TESK2: variants seen among roughly 807,000 people sequenced by gnomAD.
The protein encoded by TESK2 is dual specificity testis-specific protein kinase 2.
In TESK2, 39 loss-of-function variants were observed where a neutral mutation model predicts 57.1. That is an observed-to-expected ratio of 0.68 (90% confidence interval 0.53 to 0.89). The LOEUF (loss-of-function observed/expected upper bound fraction) is 0.89. Ranked by LOEUF, TESK2 falls within the 40% of genes least tolerant of loss-of-function variation. TESK2 has a pLI of 0.00. For synonymous variants in TESK2, 249 were observed against 267.9 expected (o/e 0.93, Z 0.69); for missense variants, 646 against 732.1 (o/e 0.88, Z 1.36).
Position 45,355,293 on chromosome 1 carries a change from G to C in TESK2, c.540+10C>G. 1 of 1,613,576 alleles carries C rather than the reference G, an allele frequency of 6.2e-7. No individual in the cohort carries two copies. The highest frequency in any genetic ancestry group is 1.7e-4 in the Middle Eastern group (1 of 6,060). The stretch of plus-strand genomic sequence containing the variant: ...TCTCTCAATGAGTTGTGAGAGTAAA[G>C]CCTTCATACCTTAGATGTGAGGTCC... On this transcript the variant is annotated intron_variant, in intron 5 of 10. Transcript: ENST00000372086.
intron 3 of TESK2, among the ~76,000 whole-genome samples, chr1:45,412,997 G>C (rs1023304233): frequency 1.3e-5 from 2 of 152,130 alleles, no homozygotes; most frequent in Non-Finnish European, 2.9e-5. Flanking sequence ...CCTGTCTTGG[G>C]GTCGTGGGGA....
At chr1:45,356,332 G>A (rs1647422146) in intron 4 of TESK2, among the ~76,000 whole-genome samples, 1 of 152,158 alleles carries the variant, frequency 6.6e-6, no homozygotes, top group African/African-American at 2.4e-5. Context: ...AAGAGGCAAT[G>A]TTAAAAGAGA....
intron 4 of TESK2, among the ~76,000 whole-genome samples, chr1:45,363,808 T>G (rs192560733): frequency 6.4e-4 from 97 of 152,288 alleles, no homozygotes; most frequent in Admixed American, 3.6e-3. Context: ...TGACTGCAGT[T>G]AGGCTGGCTA....
intron 2 of TESK2, among the ~76,000 whole-genome samples, chr1:45,445,720 A>C (rs1232567104): frequency 2.0e-5 from 3 of 151,854 alleles, no homozygotes; most frequent in African/African-American, 7.3e-5. Flanking sequence ...ACCTGAGCCC[A>C]GGAAGTCAAG....
intron 4 of TESK2, among the ~76,000 whole-genome samples, chr1:45,378,228 A>G (rs922100101): frequency 1.3e-5 from 2 of 152,212 alleles, no homozygotes; most frequent in Non-Finnish European, 2.9e-5. Context: ...ACAGTTTCTA[A>G]GGAAGGGCAC....
At chr1:45,438,140 T>G (rs960224978) in intron 2 of TESK2, among the ~76,000 whole-genome samples, 2 of 152,188 alleles carry the variant, frequency 1.3e-5, no homozygotes, top group Non-Finnish European at 2.9e-5. Context: ...TTAACAAAAG[T>G]TACTTCATAT....
Position 45,344,072 on chromosome 1 carries a change from C to T in TESK2, c.*768G>A, listed in dbSNP as rs1647101637. 4.7e-6 allele frequency: 1 copy of T among 211,580 alleles called. No homozygotes were observed. Among genetic ancestry groups the T allele is most frequent in the Non-Finnish European group, 9.7e-6 (1 of 103,254 alleles). The allele number at this position is 211,580 out of a possible 1,614,324, so 13.1% of individuals were successfully genotyped here. A position where few individuals can be genotyped will look rare whatever the true frequency, so the allele number is the denominator to read the frequency against. On this transcript the variant is annotated 3_prime_UTR_variant, in exon 11 of 11. Coordinates refer to ENST00000372086, the MANE Select transcript of TESK2 (RefSeq NM_007170.3). ...TGGCAGGAAGGGAAGCAAATCAGTC[C>T]CTGTATAAACCATTTAACCAATTGA...
intron 2 of TESK2, among the ~76,000 whole-genome samples, chr1:45,427,714 T>C (rs774947195): frequency 7.9e-5 from 12 of 152,100 alleles, no homozygotes; most frequent in African/African-American, 1.4e-4. Context: ...AATAAAACAA[T>C]TGAACTCATA....
At chr1:45,456,148 C>T (rs532750591) in intron 2 of TESK2, among the ~76,000 whole-genome samples, 2 of 151,940 alleles carry the variant, frequency 1.3e-5, no homozygotes, top group African/African-American at 2.4e-5. Context: ...AAGCCATGAT[C>T]ACACCACACT....
intron 2 of TESK2, among the ~76,000 whole-genome samples, chr1:45,455,589 C>A (rs1025928044): frequency 1.2e-4 from 19 of 152,102 alleles, no homozygotes; most frequent in Non-Finnish European, 1.5e-5. Flanking sequence ...TTTACAGTTA[C>A]AGAAGGGAGA....
chr1:45,413,175 T>G (rs1384935468), intron 3 of TESK2, among the ~76,000 whole-genome samples: 1 of 152,116 alleles, frequency 6.6e-6, no homozygotes, highest in South Asian at 2.1e-4. Flanking sequence ...ACAAAGTACT[T>G]TATTGTTCCT....
chr1:45,422,732 C>A (rs192231531), intron 2 of TESK2, among the ~76,000 whole-genome samples: 1 of 66,810 alleles, frequency 1.5e-5, no homozygotes, highest in East Asian at 4.5e-4. Flanking sequence ...GTGTGAGCCA[C>A]CATGCCCAGC....
intron 4 of TESK2, among the ~76,000 whole-genome samples, chr1:45,367,396 C>T (rs1387785491): frequency 1.3e-5 from 2 of 151,466 alleles, no homozygotes; most frequent in Admixed American, 6.6e-5. Flanking sequence ...TTTGGTTCCT[C>T]GTTCTCCTTT....
intron 2 of TESK2, among the ~76,000 whole-genome samples, chr1:45,439,964 C>CT (rs532183676): frequency 2.7e-3 from 388 of 144,440 alleles, no homozygotes; most frequent in African/African-American, 3.3e-3. Flanking sequence ...CCCACTGCCA[C>CT]TTTTTTTTTT....
chr1:45,385,995 A>C (rs776824209), intron 3 of TESK2, 35 bp from the exon 4 acceptor site: 2 of 1,513,732 alleles, frequency 1.3e-6, no homozygotes, highest in Non-Finnish European at 1.8e-6. Flanking sequence ...AACAAGTGAA[A>C]AGGACACAAA....
intron 1 of TESK2, among the ~76,000 whole-genome samples, chr1:45,482,083 T>C (rs773357370): frequency 1.3e-5 from 2 of 152,180 alleles, no homozygotes; most frequent in East Asian, 1.9e-4. Flanking sequence ...CAGTAAAAAG[T>C]GTCACAGTAA....
At chr1:45,406,761 C>T (rs1649866141) in intron 3 of TESK2, among the ~76,000 whole-genome samples, 1 of 152,152 alleles carries the variant, frequency 6.6e-6, no homozygotes, top group African/African-American at 2.4e-5. Context: ...ATTGCAATAG[C>T]CTCCTTAAGT....
Position 45,457,640 on chromosome 1 carries a change from G to T in TESK2, c.146C>A (p.Ala49Asp). 6.2e-7 allele frequency: 1 copy of T among 1,614,078 alleles called. No individual in the cohort carries two copies. The highest frequency in any genetic ancestry group is 1.1e-5 in the South Asian group (1 of 91,074). The change falls in exon 2 of 11, where the codon GCC becomes GAC. Residue 49 changes from alanine to aspartate, a missense_variant. Coordinates refer to ENST00000372086, the MANE Select transcript of TESK2 (RefSeq NM_007170.3). ...ATCCAAACGCGTCAGTCTGGAAAAG[G>T]CACTTATAAGAGCTCGATACGAAGA... is the stretch of plus-strand genomic sequence containing the variant. Reference protein sequence around the residue: ...WPSSYRALISAFSRLTRLDDF... With the variant: ...WPSSYRALISDFSRLTRLDDF...
chr1:45,439,104 A>G (rs187847263), intron 2 of TESK2, among the ~76,000 whole-genome samples: 39 of 152,298 alleles, frequency 2.6e-4, no homozygotes, highest in African/African-American at 9.4e-4. Flanking sequence ...ACCTTTACCT[A>G]TTCAAGCACA....
Sources: allele counts gnomAD v4.1 joint callset (sites outside exome capture counted in the v4.1 genomes callset), GRCh38; gene constraint gnomAD v4.1.1; transcripts MANE v1.5; gene names NCBI Gene and HGNC (gene_info 2026-07-23, HGNC 2026-07-21).